The following SOD2 variants were observed in gnomAD, a reference collection of about 807,000 sequenced individuals.
SOD2 encodes superoxide dismutase [Mn], mitochondrial.
In SOD2, 11 loss-of-function variants were observed where a neutral mutation model predicts 27.0. The observed-to-expected ratio is 0.41, with a 90% confidence interval of 0.26 to 0.67. The LOEUF (loss-of-function observed/expected upper bound fraction) is 0.67. Ranked by LOEUF, SOD2 falls within the 30% of genes least tolerant of loss-of-function variation. The probability of loss-of-function intolerance (pLI) is 0.34; values close to 1 mark genes in which losing one functional copy is unlikely to be tolerated. For missense variants in SOD2, 250 were observed against 274.5 expected, an observed-to-expected ratio of 0.91 and a Z score of 0.63; for synonymous variants, 105 against 103.0, an observed-to-expected ratio of 1.02 and a Z score of -0.12.
At chr6:159,727,136 G>A in exon 1 of SOD2, 1 of 1,194,944 alleles carries the variant, frequency 8.4e-7, no homozygotes, top group Non-Finnish European at 1.1e-6. Flanking sequence ...TACTGAGCTT[G>A]CTGAGCTCCG....
In SOD2 at chr6:159,681,249, CG is replaced by C. The variant is rs986040880; in HGVS notation, c.*1243del. ...CACCGAAAACTCCAGGCACCCAGCT[CG>C]CCCCGAGAAGGAAACCAGCAAGCTG... On this transcript the variant is annotated 3_prime_UTR_variant, in exon 5 of 5. Coordinates refer to ENST00000538183, the MANE Select transcript of SOD2 (RefSeq NM_000636.4). 6.6e-6 allele frequency: 1 copy of C among 151,928 alleles called. No homozygotes were observed. The highest frequency in any genetic ancestry group is 1.5e-5 in the Non-Finnish European group (1 of 68,020). The allele number at this position is 151,928 out of a possible 1,614,324, so 9.4% of individuals were successfully genotyped here.
chr6:159,706,808 A>T, intron 1 of SOD2, among the ~76,000 whole-genome samples: 1 of 152,230 alleles, frequency 6.6e-6, no homozygotes, highest in Non-Finnish European at 1.5e-5. Flanking sequence ...AAATCAACAG[A>T]ATATACATTC....
At chr6:159,751,927 C>T (rs965132868) in intron 1 of SOD2, among the ~76,000 whole-genome samples, 6 of 151,864 alleles carry the variant, frequency 4.0e-5, no homozygotes, top group African/African-American at 1.2e-4. Flanking sequence ...TGGGGGTGCT[C>T]GTGCACACCT....
At chr6:159,744,749 CCTCT>C (rs1283879588) in intron 1 of SOD2, among the ~76,000 whole-genome samples, 1 of 152,060 alleles carries the variant, frequency 6.6e-6, no homozygotes, top group East Asian at 1.9e-4. Flanking sequence ...TGAGACAGGG[CCTCT>C]CTCTCATCCA....
At chr6:159,739,071 A>G in intron 1 of SOD2, 1 of 1,574,300 alleles carries the variant, frequency 6.4e-7, no homozygotes, top group South Asian at 1.1e-5. Context: ...TTCAAAAACA[A>G]AGTCTTTCTA....
intron 1 of SOD2, among the ~76,000 whole-genome samples, chr6:159,704,692 T>A (rs557765296): frequency 1.5e-4 from 23 of 152,326 alleles, no homozygotes; most frequent in African/African-American, 5.5e-4. Context: ...AGACTCCACC[T>A]CTGGGGGCAG....
chr6:159,713,437 C>G (rs1777867561), intron 1 of SOD2: 2 of 647,538 alleles, frequency 3.1e-6, no homozygotes, highest in Non-Finnish European at 5.6e-6. Context: ...TTCAGCTTGG[C>G]TATTCTAGAA....
rs145715271 is a variant in SOD2, at chr6:159,751,674, G to C, written c.-335-2998C>G. Among the ~76,000 whole-genome samples, 6 of 152,252 alleles carry C rather than the reference G, an allele frequency of 3.9e-5. No homozygotes were observed. In the South Asian group the frequency reaches 1.2e-3, roughly 32 times the overall value. On this transcript the variant is annotated intron_variant, in intron 1 of 7. Transcript: ENST00000546087. ...ATGCTCACTGGTGGCTTTCACCCTCGGGCTCCTCTGAGCAGTAGTAACCCA... is the reference window on the plus strand; with the variant it reads ...ATGCTCACTGGTGGCTTTCACCCTCCGGCTCCTCTGAGCAGTAGTAACCCA...
chr6:159,736,189 G>A (rs1217960083), intron 1 of SOD2: 13 of 1,443,364 alleles, frequency 9.0e-6, no homozygotes, highest in Non-Finnish European at 1.1e-5. Context: ...GAAAGAGTCA[G>A]TATTTTTTAT....
chr6:159,727,381 AGGCGGGAGG>A, upstream of SOD2: 1 of 684,632 alleles, frequency 1.5e-6, no homozygotes. Flanking sequence ...GGCTGGCGGG[AGGCGGGAGG>A]CGGGAGGCGG....
At chr6:159,760,510 A>T (rs981846285) in intron 1 of SOD2, 2 of 152,210 alleles carry the variant, frequency 1.3e-5, no homozygotes, top group African/African-American at 4.8e-5. Flanking sequence ...ACCTCAAATG[A>T]TCCGCCCTCC....
upstream of SOD2, among the ~76,000 whole-genome samples, chr6:159,694,761 A>C (rs1349471542): frequency 7.1e-6 from 1 of 140,538 alleles, no homozygotes. Flanking sequence ...ACGCCCCACT[A>C]TTTTTTTTTT....
chr6:159,682,221 G>T lies in SOD2; in HGVS notation c.*272C>A, dbSNP rs953745055. The T allele has an allele frequency of 7.7e-6, 2 of 259,014 alleles. No homozygotes were observed. The highest frequency in any genetic ancestry group is 1.5e-5 in the Non-Finnish European group (2 of 137,788). The allele number at this position is 259,014 out of a possible 1,614,324, so 16.0% of individuals were successfully genotyped here. ...CAAAGTATATGGATGGAATATTTTT[G>T]ATGGTTTTATAAATGACAATTGTAA... On this transcript the variant is annotated 3_prime_UTR_variant, in exon 5 of 5. Coordinates refer to ENST00000538183, the MANE Select transcript of SOD2 (RefSeq NM_000636.4).
At chr6:159,688,036 A>C (rs1370517398) in intron 3 of SOD2, 90 bp downstream of exon 3, 17 of 809,324 alleles carry the variant, frequency 2.1e-5, no homozygotes, top group Non-Finnish European at 3.6e-5. Flanking sequence ...CAAAAAAAAC[A>C]AAAAACAAGT....
chr6:159,683,786 G>A (rs1182646323), intron 4 of SOD2, among the ~76,000 whole-genome samples: 1 of 152,110 alleles, frequency 6.6e-6, no homozygotes, highest in African/African-American at 2.4e-5. Flanking sequence ...CAAATTTTTT[G>A]TGGCTTTTAC....
At chr6:159,716,488 C>T (rs925795920) in intron 1 of SOD2, among the ~76,000 whole-genome samples, 6 of 152,124 alleles carry the variant, frequency 3.9e-5, no homozygotes, top group South Asian at 4.1e-4. Context: ...TGCCTCTCCC[C>T]GGAAGGAAAA....
chr6:159,698,083 G>T (rs1358847615), upstream of SOD2, among the ~76,000 whole-genome samples: 2 of 152,210 alleles, frequency 1.3e-5, no homozygotes, highest in African/African-American at 2.4e-5. Context: ...GACCAGCCTG[G>T]CCAATATGGT....
upstream of SOD2, among the ~76,000 whole-genome samples, chr6:159,728,120 A>G (rs989216633): frequency 4.6e-5 from 7 of 152,228 alleles, no homozygotes; most frequent in African/African-American, 1.2e-4. Context: ...CGTTCCCTAC[A>G]TTTCATGTCA....
intron 1 of SOD2, among the ~76,000 whole-genome samples, chr6:159,721,098 C>A (rs1372709029): frequency 6.7e-6 from 1 of 148,594 alleles, no homozygotes; most frequent in South Asian, 2.1e-4. Context: ...GACGGAGTCT[C>A]GCTCTGTCAC....
Sources: gnomAD v4.1 joint callset for allele counts (sites outside exome capture counted in the v4.1 genomes callset) on GRCh38, gnomAD v4.1.1 for gene constraint, MANE v1.5 for transcripts, NCBI Gene and HGNC (gene_info 2026-07-23, HGNC 2026-07-21) for gene names.